The following TMEM132E variants were observed in gnomAD, a reference collection of about 807,000 sequenced individuals.
The protein encoded by TMEM132E is transmembrane protein 132E.
TMEM132E carries 49 observed loss-of-function variants against 78.5 expected under a neutral mutation model. The ratio of observed to expected loss-of-function variants is 0.62; its 90% CI spans 0.50 to 0.79. The LOEUF is 0.79. Ranked by LOEUF, TMEM132E falls within the 30% of genes least tolerant of loss-of-function variation. The pLI, the probability that TMEM132E is intolerant of heterozygous loss-of-function variation, is 0.00. For missense variants in TMEM132E, 1,403 were observed against 1,470.9 expected (o/e 0.95, Z 0.75); for synonymous variants, 715 against 670.6 (o/e 1.07, Z -1.02).
In TMEM132E at chr17:34,637,980, G is replaced by A; in HGVS notation, c.2973G>A (p.Ser991=). 6 of 1,591,214 alleles carry A rather than the reference G, an allele frequency of 3.8e-6. No individual in the cohort carries two copies. Among genetic ancestry groups the A allele is most frequent in the Non-Finnish European group, 5.1e-6 (6 of 1,169,990 alleles). The stretch of plus-strand genomic sequence containing the variant: ...TGCACGGCAGGGGCGACGGCTCCTC[G>A]GGCGGCTCAGCCCGAGACCAAGCCG... ...SQVHGRGDGS[S]GGSARDQAED... The change falls in exon 9 of 9, where the codon TCG becomes TCA. Residue 991 remains serine, a synonymous_variant. Transcript: ENST00000631683.
At chr17:34,617,041 T>G (rs1486556626) in intron 1 of TMEM132E, among the ~76,000 whole-genome samples, 1 of 152,208 alleles carries the variant, frequency 6.6e-6, no homozygotes, top group African/African-American at 2.4e-5. Flanking sequence ...CCTGCCCTGG[T>G]GCTTAGGGAA....
At position 34,626,576 on chromosome 17, in the gene TMEM132E, G is replaced by A; in HGVS notation, c.517G>A (p.Ala173Thr). ...PCVRLHAFRD[A>T]REVKSSCRLS... is the part of the protein sequence containing the mutation. ...TGTCCGCCTGCATGCCTTCCGGGAT[G>A]CCCGGGAAGTCAAGAGCTCCTGCCG... The change falls in exon 2 of 9, where the codon GCC (alanine) becomes ACC (threonine). Residue 173 changes from alanine (A) to threonine (T), a missense_variant. Ala to Thr is a moderately conservative substitution (Grantham distance 58). Around this residue, in one of 3 missense-constraint regions of TMEM132E, gnomAD observed 511 missense variants for 499.0 expected, o/e 1.02. Transcript: ENST00000631683. The A allele has an allele frequency of 3.2e-6, 5 of 1,569,444 alleles. No homozygotes were observed. Among genetic ancestry groups the A allele is most frequent in the Non-Finnish European group, 4.3e-6 (5 of 1,162,772 alleles).
intron 1 of TMEM132E, among the ~76,000 whole-genome samples, chr17:34,617,631 A>G (rs1906825560): frequency 6.6e-6 from 1 of 152,236 alleles, no homozygotes; most frequent in Non-Finnish European, 1.5e-5. Context: ...TCTTCATTTC[A>G]CAGGTATGGA....
Position 34,613,203 on chromosome 17 carries a change from ACACACACACG to A in TMEM132E, c.68-12922_68-12913del, listed in dbSNP as rs1567715998. 1.4e-4 allele frequency among the ~76,000 whole-genome samples: 16 copies of A among 114,596 alleles called. No individual in the cohort carries two copies. The South Asian group carries it at 1.7e-3, about 12-fold the overall frequency. 75.2% of individuals were successfully genotyped at this position (114,596 alleles called of 152,430 possible). ...CACACACACACACACACACCCACACACACACACACGCGCGCGCGCGCGCGTTCTTACATTC... is the reference window on the plus strand; with the variant it reads ...CACACACACACACACACACCCACACACGCGCGCGCGCGCGTTCTTACATTC... On this transcript the variant is annotated intron_variant, in intron 1 of 8. Transcript: ENST00000631683.
intron 1 of TMEM132E, among the ~76,000 whole-genome samples, chr17:34,606,054 C>G (rs1163899422): frequency 2.0e-5 from 3 of 152,150 alleles, no homozygotes; most frequent in Non-Finnish European, 2.9e-5. Context: ...ATGTGAAGAA[C>G]TGGGTCTGGG....
chr17:34,627,119 C>A, intron 2 of TMEM132E, 62 bp downstream of exon 2: 6 of 719,680 alleles, frequency 8.3e-6, no homozygotes, highest in Non-Finnish European at 1.4e-5. Context: ...TACCTGACTC[C>A]TTGTGGGTGG....
Position 34,626,206 on chromosome 17 carries a change from G to A in TMEM132E, c.147G>A (p.Leu49=). The change falls in exon 2 of 9, where the codon CTG becomes CTA. Residue 49 remains leucine, a synonymous_variant. Coordinates refer to ENST00000631683, the MANE Select transcript of TMEM132E (RefSeq NM_001304438.2). The part of the protein sequence containing the change: ...ASPVLPVSYR[L]SHTRLAFFLR... Reference sequence around the variant, plus strand: ...CGGTGCTGCCAGTCAGCTACCGCCTGTCGCACACGCGGCTGGCCTTCTTCC... The same window carrying A: ...CGGTGCTGCCAGTCAGCTACCGCCTATCGCACACGCGGCTGGCCTTCTTCC... 6.3e-7 allele frequency: 1 copy of A among 1,575,438 alleles called. No individual in the cohort carries two copies. The highest frequency in any genetic ancestry group is 1.2e-5 in the South Asian group (1 of 86,288).
intron 7 of TMEM132E, 118 bp from the exon 8 acceptor site, chr17:34,635,889 C>A: frequency 9.4e-7 from 1 of 1,068,428 alleles, no homozygotes; most frequent in Non-Finnish European, 1.2e-6. Context: ...GCCTCCCAGC[C>A]TGCCTCACCC....
intron 1 of TMEM132E, among the ~76,000 whole-genome samples, chr17:34,601,330 T>A (rs1871141885): frequency 6.6e-6 from 1 of 152,138 alleles, no homozygotes; most frequent in Non-Finnish European, 1.5e-5. Flanking sequence ...TCCCTCCCTC[T>A]CCCTGGGGCA....
chr17:34,611,887 T>C (rs1476406991), intron 1 of TMEM132E, among the ~76,000 whole-genome samples: 1 of 152,180 alleles, frequency 6.6e-6, no homozygotes, highest in Non-Finnish European at 1.5e-5. Context: ...GTCTCTTTTC[T>C]GGGCCTTGTC....
rs752214418 is a variant in TMEM132E, at chr17:34,626,145, CGGCCAGCCCCAGCCCGCCGGGGCCGCA to C, written c.96_122del (p.Ser33_Pro41del). On this transcript the variant is annotated inframe_deletion, in exon 2 of 9. Coordinates refer to ENST00000631683, the MANE Select transcript of TMEM132E (RefSeq NM_001304438.2). ...TCCCCAGCCTCTGGCCGCTCCCACC[CGGCCAGCCCCAGCCCGCCGGGGCCGCA>C]GGCCAGCCCGGTGCTGCCAGTCAGC... 5.2e-6 allele frequency: 8 copies of C among 1,530,774 alleles called. No individual in the cohort carries two copies. Among genetic ancestry groups the C allele is most frequent in the African/African-American group, 1.4e-5 (1 of 72,616 alleles). 94.8% of individuals were successfully genotyped at this position (1,530,774 alleles called of 1,614,324 possible). A position where few individuals can be genotyped will look rare whatever the true frequency, so the allele number is the denominator to read the frequency against.
chr17:34,634,914 C>T lies in TMEM132E; in HGVS notation c.1804C>T (p.His602Tyr), dbSNP rs373350095. 1.1e-5 allele frequency: 17 copies of T among 1,614,060 alleles called. No homozygotes were observed. Among genetic ancestry groups the T allele is most frequent in the Non-Finnish European group, 1.4e-5 (17 of 1,180,046 alleles). Residue 602 changes from histidine to tyrosine, a missense_variant, in exon 7 of 9, where the codon CAC becomes TAC. Transcript: ENST00000631683. The part of the protein sequence containing the change: ...HATLQVFTQF[H>Y]TTSSEGTDQV... ...CACCCTGCAGGTCTTCACCCAGTTC[C>T]ACACGACATCATCCGAGGGCACTGA...
Position 34,586,071 on chromosome 17 carries a change from A to T in TMEM132E, c.67+4928A>T, listed in dbSNP as rs1257038049. On this transcript the variant is annotated intron_variant, in intron 1 of 8. Transcript: ENST00000631683. ...CCCCTCCCAACTCTTTTGTTCTATG[A>T]TGAAGAAGCCCCTTCTTACCTCCCT... 2.6e-5 allele frequency among the ~76,000 whole-genome samples: 4 copies of T among 152,010 alleles called. No individual in the cohort carries two copies. The South Asian group carries it at 8.3e-4, about 32-fold the overall frequency.
intron 1 of TMEM132E, among the ~76,000 whole-genome samples, chr17:34,605,991 A>G (rs1260245676): frequency 6.6e-6 from 1 of 152,152 alleles, no homozygotes; most frequent in Non-Finnish European, 1.5e-5. Flanking sequence ...AGTAGATTCC[A>G]CCTACAACAA....
At chr17:34,585,362 C>T (rs1209503293) in intron 1 of TMEM132E, among the ~76,000 whole-genome samples, 4 of 152,168 alleles carry the variant, frequency 2.6e-5, no homozygotes, top group African/African-American at 9.7e-5. Context: ...TGAGTGCTGG[C>T]GATGCTGCAG....
intron 1 of TMEM132E, among the ~76,000 whole-genome samples, chr17:34,613,408 T>G (rs1264769540): frequency 7.2e-6 from 1 of 138,880 alleles, no homozygotes; most frequent in African/African-American, 2.7e-5. Context: ...CCTGCTTAGC[T>G]GGCTGGGTTC....
chr17:34,628,533 C>T, intron 2 of TMEM132E, 30 bp from the exon 3 acceptor site: 1 of 1,612,702 alleles, frequency 6.2e-7, no homozygotes, highest in South Asian at 1.1e-5. Context: ...GCCTGACCCT[C>T]TCCCTCTTCT....
intron 8 of TMEM132E, among the ~76,000 whole-genome samples, chr17:34,636,613 G>A (rs968232183): frequency 5.3e-5 from 8 of 152,156 alleles, no homozygotes; most frequent in African/African-American, 1.9e-4. Flanking sequence ...GTGAGGAGGT[G>A]AGCATCAAGT....
chr17:34,607,873 T>C (rs962807018), intron 1 of TMEM132E, among the ~76,000 whole-genome samples: 2 of 152,084 alleles, frequency 1.3e-5, no homozygotes, highest in African/African-American at 4.8e-5. Context: ...CCCCCTGAAG[T>C]TGGGGTGTAC....
Sources: gnomAD v4.1 joint callset for allele counts (sites outside exome capture counted in the v4.1 genomes callset) on GRCh38, gnomAD v4.1.1 for gene constraint, gnomAD v4.1.1 regional missense constraint, MANE v1.5 for transcripts, NCBI Gene and HGNC (gene_info 2026-07-23, HGNC 2026-07-21) for gene names.